COG7: variants seen among roughly 807,000 people sequenced by gnomAD.
The protein encoded by COG7 is component of oligomeric golgi complex 7.
In COG7, 49 loss-of-function variants were observed where a neutral mutation model predicts 91.5. The ratio of observed to expected loss-of-function variants is 0.54; its 90% confidence interval spans 0.43 to 0.68. The LOEUF is 0.68. COG7 is among the 30% of genes least tolerant of loss of function. COG7 has a pLI of 0.00. For synonymous variants in COG7, 365 were observed against 388.7 expected (o/e 0.94, Z 0.72); for missense variants, 895 against 961.3 (o/e 0.93, Z 0.91).
intron 10 of COG7, 35 bp downstream of exon 10, chr16:23,413,413 T>G: frequency 9.4e-7 from 1 of 1,068,878 alleles, no homozygotes; most frequent in South Asian, 1.2e-5. Context: ...GCTGGCTACA[T>G]TAGGAACAAG....
At position 23,424,894 on chromosome 16, in the gene COG7, C is replaced by G. The variant is rs754995291; in HGVS notation, c.864G>C (p.Gly288=). ...AGGAGGGCAGCGAGGGCATGAGGGC[C>G]CCCAGGGTCTGAATCAGCAGCACCA... ...VVMVLLIQTL[G]ALMPSLPSCL... Residue 288 remains glycine (G), a synonymous_variant, in exon 7 of 17, where the codon GGG becomes GGC. Coordinates refer to ENST00000307149, the MANE Select transcript of COG7 (RefSeq NM_153603.4). 3 of 1,613,900 alleles carry G rather than the reference C, an allele frequency of 1.9e-6. No individual in the cohort carries two copies. The highest frequency in any genetic ancestry group is 3.3e-5 in the Admixed American group (2 of 59,960).
At chr16:23,403,620 T>A in intron 13 of COG7, 74 bp downstream of exon 13, 1 of 1,582,586 alleles carries the variant, frequency 6.3e-7, no homozygotes, top group Non-Finnish European at 8.7e-7. Context: ...ACAGGGAGGG[T>A]TAAGCCCACA....
intron 4 of COG7, among the ~76,000 whole-genome samples, chr16:23,439,178 AAG>A (rs1491061661): frequency 2.0e-5 from 3 of 149,304 alleles, no homozygotes. Flanking sequence ...AAAAAAAAAA[AAG>A]ATAGGCATAT....
chr16:23,418,609 C>G (rs1027551632), intron 8 of COG7, 91 bp downstream of exon 8: 12 of 1,243,270 alleles, frequency 9.7e-6, no homozygotes, highest in Non-Finnish European at 1.4e-5. Context: ...TTCAGCACCC[C>G]GGATCCCAAC....
chr16:23,408,643 G>A (rs1963509213), intron 11 of COG7, among the ~76,000 whole-genome samples: 5 of 151,986 alleles, frequency 3.3e-5, no homozygotes, highest in Non-Finnish European at 5.9e-5. Flanking sequence ...AGCAGCTGCT[G>A]CTGTTCCTAA....
intron 16 of COG7, among the ~76,000 whole-genome samples, chr16:23,389,396 A>G (rs1183685535): frequency 6.7e-6 from 1 of 150,010 alleles, no homozygotes; most frequent in African/African-American, 2.5e-5. Flanking sequence ...CTCACATCCA[A>G]ACTCACACAA....
intron 1 of COG7, among the ~76,000 whole-genome samples, chr16:23,450,395 C>A (rs1964247637): frequency 6.6e-6 from 1 of 152,152 alleles, no homozygotes; most frequent in Non-Finnish European, 1.5e-5. Flanking sequence ...CTGAGTAAAG[C>A]CATCCGTCAT....
intron 4 of COG7, among the ~76,000 whole-genome samples, chr16:23,441,195 C>T (rs1340209027): frequency 6.6e-6 from 1 of 152,204 alleles, no homozygotes; most frequent in Non-Finnish European, 1.5e-5. Flanking sequence ...AGAGAAGTTA[C>T]TAAACTACAA....
At chr16:23,418,568 A>G (rs994784480) in intron 8 of COG7, 132 bp downstream of exon 8, 16 of 745,050 alleles carry the variant, frequency 2.1e-5, no homozygotes, top group Non-Finnish European at 3.3e-5. Flanking sequence ...CATTGGGATT[A>G]CAAGAGCCCA....
chr16:23,416,393 A>G (rs1963654713), intron 9 of COG7: 1 of 164,104 alleles, frequency 6.1e-6, no homozygotes, highest in African/African-American at 2.4e-5. Context: ...ATGTGTTCCT[A>G]TAGAAATGCC....
At chr16:23,396,010 C>T (rs923391448) in intron 14 of COG7, among the ~76,000 whole-genome samples, 1 of 152,222 alleles carries the variant, frequency 6.6e-6, no homozygotes, top group Non-Finnish European at 1.5e-5. Flanking sequence ...AAGCAGCTGG[C>T]GTCCTAACAG....
At chr16:23,389,838 G>C (rs767758411) in intron 16 of COG7, 4 of 152,204 alleles carry the variant, frequency 2.6e-5, no homozygotes, top group Non-Finnish European at 5.9e-5. Flanking sequence ...ATTCTACAAA[G>C]CGACCCCGGT....
intron 6 of COG7, among the ~76,000 whole-genome samples, chr16:23,429,695 C>T (rs182423897): frequency 5.3e-5 from 8 of 152,106 alleles, no homozygotes; most frequent in East Asian, 1.9e-4. Flanking sequence ...ACCTGGGAAG[C>T]GGAGGTTGCA....
intron 11 of COG7, among the ~76,000 whole-genome samples, chr16:23,409,000 A>G (rs1348783603): frequency 6.6e-6 from 1 of 151,784 alleles, no homozygotes; most frequent in East Asian, 1.9e-4. Context: ...TCCTGGAAGC[A>G]CTAAGCCTGG....
intron 5 of COG7, among the ~76,000 whole-genome samples, chr16:23,434,143 C>G (rs1289219620): frequency 6.6e-6 from 1 of 152,180 alleles, no homozygotes; most frequent in African/African-American, 2.4e-5. Context: ...GGTGGAGTGG[C>G]ACGCGCCTGT....
At chr16:23,430,044 G>C (rs1211422845) in intron 6 of COG7, among the ~76,000 whole-genome samples, 1 of 152,202 alleles carries the variant, frequency 6.6e-6, no homozygotes, top group African/African-American at 2.4e-5. Flanking sequence ...CCAGGGCGAT[G>C]GTGATATGGA....
At position 23,403,806 on chromosome 16, in the gene COG7, A is replaced by C; in HGVS notation, c.1691T>G (p.Leu564Arg). The change falls in exon 13 of 17, where the codon CTG becomes CGG. Residue 564 changes from leucine to arginine, a missense_variant. Coordinates refer to ENST00000307149, the MANE Select transcript of COG7 (RefSeq NM_153603.4). ...KEKGSSNHNL[L>R]AAPRAALTRL... The stretch of plus-strand genomic sequence containing the variant: ...AGTCAGCGCTGCTCGAGGTGCAGCC[A>C]GCAGGTTGTGGTTGCTTGACCCTTT... The C allele has an allele frequency of 6.2e-7, 1 of 1,614,260 alleles. No homozygotes were observed. Among genetic ancestry groups the C allele is most frequent in the South Asian group, 1.1e-5 (1 of 91,092 alleles).
intron 1 of COG7, among the ~76,000 whole-genome samples, chr16:23,451,691 C>G (rs2142100366): frequency 7.1e-6 from 1 of 141,110 alleles, no homozygotes; most frequent in East Asian, 2.1e-4. Context: ...TGCATTCCAG[C>G]TTGGGCAGCA....
At chr16:23,412,906 G>GT (rs1477047049) in intron 10 of COG7, 2 of 158,670 alleles carry the variant, frequency 1.3e-5, no homozygotes, top group African/African-American at 2.4e-5. Flanking sequence ...GGTTGGTCTT[G>GT]AACTACTGAC....
Sources: gnomAD v4.1 joint callset for allele counts (sites outside exome capture counted in the v4.1 genomes callset) on GRCh38, gnomAD v4.1.1 for gene constraint, MANE v1.5 for transcripts, NCBI Gene and HGNC (gene_info 2026-07-23, HGNC 2026-07-21) for gene names.